F13A1: variants seen among roughly 807,000 people sequenced by gnomAD.
F13A1 encodes the protein coagulation factor XIII A chain, also known as FSF, A subunit.
F13A1 carries 47 observed loss-of-function variants against 80.1 expected under a neutral mutation model. That is an observed-to-expected ratio of 0.59 (90% CI 0.46 to 0.75). F13A1 has a LOEUF of 0.75. Ranked by LOEUF, F13A1 falls within the 30% of genes least tolerant of loss-of-function variation. The pLI is 0.00. For missense variants in F13A1, 817 were observed against 930.4 expected, an observed-to-expected ratio of 0.88 and a Z score of 1.59; for synonymous variants, 349 against 344.9, an observed-to-expected ratio of 1.01 and a Z score of -0.13.
intron 11 of F13A1, among the ~76,000 whole-genome samples, chr6:6,181,419 T>TC (rs1760983807): frequency 6.6e-6 from 1 of 152,212 alleles, no homozygotes; most frequent in African/African-American, 2.4e-5. Flanking sequence ...ATTTGAAACA[T>TC]TCTATGCAAT....
chr6:6,220,394 G>A (rs1217634906), intron 8 of F13A1, among the ~76,000 whole-genome samples: 1 of 152,202 alleles, frequency 6.6e-6, no homozygotes, highest in East Asian at 1.9e-4. Context: ...CCAAGGGCAA[G>A]ATCTACCTTC....
intron 8 of F13A1, among the ~76,000 whole-genome samples, chr6:6,198,339 C>G (rs1260560989): frequency 1.3e-5 from 2 of 151,776 alleles, no homozygotes; most frequent in Admixed American, 6.6e-5. Context: ...TATGACAGTA[C>G]AGAATCAAAT....
chr6:6,298,257 A>G (rs1318855195), intron 3 of F13A1, among the ~76,000 whole-genome samples: 2 of 147,258 alleles, frequency 1.4e-5, no homozygotes, highest in Non-Finnish European at 3.0e-5. Context: ...GTAGATGTCT[A>G]TTAGGTCCGC....
chr6:6,152,082 G>A (rs1359029927), intron 13 of F13A1, 133 bp from the exon 14 acceptor site: 1 of 1,021,084 alleles, frequency 9.8e-7, no homozygotes, highest in Non-Finnish European at 1.5e-6. Context: ...GTGTGATGAG[G>A]ATAGCTGATT....
At chr6:6,182,217 A>T (rs931511664) in intron 10 of F13A1, 76 bp from the exon 11 acceptor site, 10 of 1,503,410 alleles carry the variant, frequency 6.7e-6, no homozygotes, top group African/African-American at 1.4e-5. Context: ...TCCATAGAGC[A>T]GTCGTCTAGA....
chr6:6,201,733 G>C lies in F13A1; in HGVS notation c.1113-4407C>G, dbSNP rs549310064. Among the ~76,000 whole-genome samples, 33 of 152,090 alleles carry C rather than the reference G, an allele frequency of 2.2e-4. 2 individuals carry two copies. Among genetic ancestry groups the C allele is most frequent in the African/African-American group, 7.7e-4 (32 of 41,490 alleles). On this transcript the variant is annotated intron_variant, in intron 8 of 14. Transcript: ENST00000264870. ...GTTTTGTTTTGTTTTGTTTTCTTGA[G>C]ACAGGGTCTCATGTTGCCCAGGCTG...
chr6:6,164,030 C>T (rs1339944597), intron 13 of F13A1, among the ~76,000 whole-genome samples: 1 of 152,088 alleles, frequency 6.6e-6, no homozygotes, highest in Non-Finnish European at 1.5e-5. Context: ...GATGGTATCT[C>T]ATGGTGGCTT....
intron 13 of F13A1, among the ~76,000 whole-genome samples, chr6:6,154,838 C>T (rs1238720935): frequency 6.6e-6 from 1 of 152,154 alleles, no homozygotes; most frequent in African/African-American, 2.4e-5. Flanking sequence ...TACAAAAGCT[C>T]TCTAAACTGA....
intron 3 of F13A1, among the ~76,000 whole-genome samples, chr6:6,300,069 G>A (rs1758398550): frequency 6.8e-6 from 1 of 146,436 alleles, no homozygotes; most frequent in South Asian, 2.1e-4. Context: ...TTGGGGGTCA[G>A]GGGTCAGGGA....
chr6:6,178,042 A>AG (rs1429229868), intron 11 of F13A1, among the ~76,000 whole-genome samples: 31 of 7,346 alleles, frequency 4.2e-3, no homozygotes, highest in East Asian at 0.015. Context: ...GGCCACAGGG[A>AG]GAGGGGGGGG....
At chr6:6,300,007 C>T (rs1025621017) in intron 3 of F13A1, among the ~76,000 whole-genome samples, 2 of 147,016 alleles carry the variant, frequency 1.4e-5, no homozygotes, top group African/African-American at 5.4e-5. Flanking sequence ...AGTACCCTGC[C>T]GTGTGAAGTG....
chr6:6,222,486 TGAA>T (rs1171310130), intron 7 of F13A1, among the ~76,000 whole-genome samples: 4 of 152,126 alleles, frequency 2.6e-5, no homozygotes, highest in Non-Finnish European at 4.4e-5. Context: ...TTTAGTCCCA[TGAA>T]TGGGACTATG....
At chr6:6,155,264 G>A (rs1760452934) in intron 13 of F13A1, among the ~76,000 whole-genome samples, 1 of 152,176 alleles carries the variant, frequency 6.6e-6, no homozygotes, top group African/African-American at 2.4e-5. Flanking sequence ...TGAGAAACTG[G>A]CCCATGCAAT....
Position 6,243,161 on chromosome 6 carries a change from C to T in F13A1, c.798+5151G>A, listed in dbSNP as rs536587944. On this transcript the variant is annotated intron_variant, in intron 6 of 14. Coordinates refer to ENST00000264870, the MANE Select transcript of F13A1 (RefSeq NM_000129.4). This position sits in a 1 kb window ranked among gnomAD's most constrained non-coding sequence, Gnocchi z 4.2. ...ATAAATCACCACCACCACCACATTACGCCATCACCACCACTACCACCATCA... is the reference window on the plus strand; with the variant it reads ...ATAAATCACCACCACCACCACATTATGCCATCACCACCACTACCACCATCA... 2.2e-4 allele frequency among the ~76,000 whole-genome samples: 33 copies of T among 150,578 alleles called. No homozygotes were observed. The highest frequency in any genetic ancestry group is 6.0e-4 in the Admixed American group (9 of 15,026).
chr6:6,201,437 A>T (rs1215715946), intron 8 of F13A1, among the ~76,000 whole-genome samples: 1 of 152,174 alleles, frequency 6.6e-6, no homozygotes, highest in Non-Finnish European at 1.5e-5. Flanking sequence ...CTGGGCCTCC[A>T]TCAATGGGTG....
In F13A1 at chr6:6,298,811, T is replaced by C. The variant is rs1383610261; in HGVS notation, c.319+6540A>G. ...TCATTATGATGTTAGCTGGTGATTT[T>C]GCTCATTAGTTGATGGAGTTTCTTC... On this transcript the variant is annotated intron_variant, in intron 3 of 14. Coordinates refer to ENST00000264870, the MANE Select transcript of F13A1 (RefSeq NM_000129.4). Among the ~76,000 whole-genome samples, 4 of 149,652 alleles carry C rather than the reference T, an allele frequency of 2.7e-5. No individual in the cohort carries two copies. The East Asian group carries it at 7.7e-4, about 29-fold the overall frequency.
chr6:6,270,375 C>T (rs771547298), intron 3 of F13A1, among the ~76,000 whole-genome samples: 4 of 152,134 alleles, frequency 2.6e-5, no homozygotes, highest in South Asian at 4.2e-4. Flanking sequence ...TCCTTAAAGT[C>T]GCCTAAATTC....
intron 3 of F13A1, among the ~76,000 whole-genome samples, chr6:6,283,058 C>T (rs1450016258): frequency 1.3e-5 from 2 of 152,200 alleles, no homozygotes; most frequent in Admixed American, 6.5e-5. Context: ...GTAATGGGAT[C>T]TGTAAAAGTT....
intron 8 of F13A1, among the ~76,000 whole-genome samples, chr6:6,212,577 G>T (rs1761637813): frequency 6.6e-6 from 1 of 152,122 alleles, no homozygotes; most frequent in Non-Finnish European, 1.5e-5. Flanking sequence ...CAAAGATGGG[G>T]AAAAAACAGA....
Sources: gnomAD v4.1 joint callset for allele counts (sites outside exome capture counted in the v4.1 genomes callset) on GRCh38, gnomAD v4.1.1 for gene constraint, Gnocchi (gnomAD v3.1) non-coding constraint, MANE v1.5 for transcripts, NCBI Gene and HGNC (gene_info 2026-07-23, HGNC 2026-07-21) for gene names.